Variants in PCCA observed in about 807,000 individuals in gnomAD.
The protein encoded by PCCA is propionyl-CoA carboxylase subunit alpha, also known as propionyl-CoA carboxylase alpha chain, mitochondrial.
PCCA carries 74 observed loss-of-function variants against 101.3 expected under a neutral mutation model. The observed-to-expected ratio is 0.73, with a 90% CI of 0.61 to 0.89. The LOEUF (loss-of-function observed/expected upper bound fraction) is 0.89. Among genes scored for constraint, PCCA ranks in the 40% least tolerant of loss-of-function variants. The pLI, the probability that PCCA is intolerant of heterozygous loss-of-function variation, is 0.00. For missense variants in PCCA, 891 were observed against 907.0 expected, an observed-to-expected ratio of 0.98 and a Z score of 0.23; for synonymous variants, 294 against 313.6, an observed-to-expected ratio of 0.94 and a Z score of 0.66.
intron 4 of PCCA, among the ~76,000 whole-genome samples, chr13:100,131,476 G>C (rs1376339346): frequency 6.6e-6 from 1 of 152,154 alleles, no homozygotes; most frequent in African/African-American, 2.4e-5. Flanking sequence ...ATCTCATCTG[G>C]AGAGCTTGCA....
At chr13:100,173,833 G>A (rs1050319599) in intron 6 of PCCA, among the ~76,000 whole-genome samples, 1 of 152,160 alleles carries the variant, frequency 6.6e-6, no homozygotes, top group Non-Finnish European at 1.5e-5. Flanking sequence ...TTGTGATAGT[G>A]AATCAGTTTC....
Position 100,449,234 on chromosome 13 carries a change from C to G in PCCA, c.1846-18C>G. 6.6e-7 allele frequency: 1 copy of G among 1,511,310 alleles called. No homozygotes were observed. The highest frequency in any genetic ancestry group is 9.0e-7 in the Non-Finnish European group (1 of 1,111,198). The allele number at this position is 1,511,310 out of a possible 1,614,324, so 93.6% of individuals were successfully genotyped here. A position where few individuals can be genotyped will look rare whatever the true frequency, so the allele number is the denominator to read the frequency against. ...GTGCAGATATGAGTTCATTTTATAT[C>G]TCTTGTTTGTTTTTTAGTGTCTTTC... is the stretch of plus-strand genomic sequence containing the variant. On this transcript the variant is annotated intron_variant, in intron 20 of 23. Transcript: ENST00000376285.
chr13:100,115,420 T>C (rs1417725200), intron 4 of PCCA, among the ~76,000 whole-genome samples: 1 of 152,134 alleles, frequency 6.6e-6, no homozygotes, highest in Non-Finnish European at 1.5e-5. Flanking sequence ...ATTTAGGGAA[T>C]AGAATTGGGA....
chr13:100,322,114 G>T (rs997034658), intron 16 of PCCA, among the ~76,000 whole-genome samples: 1 of 152,152 alleles, frequency 6.6e-6, no homozygotes, highest in Non-Finnish European at 1.5e-5. Flanking sequence ...GGTCCATGCT[G>T]CTAGGAGGCA....
At chr13:100,376,269 T>C (rs530437803) in intron 19 of PCCA, among the ~76,000 whole-genome samples, 2 of 152,292 alleles carry the variant, frequency 1.3e-5, no homozygotes, top group South Asian at 4.1e-4. Context: ...AGCTCTCCTG[T>C]GTGATGTGTC....
intron 14 of PCCA, among the ~76,000 whole-genome samples, chr13:100,303,331 A>G (rs1476927216): frequency 6.6e-6 from 1 of 152,168 alleles, no homozygotes; most frequent in Non-Finnish European, 1.5e-5. Flanking sequence ...CTTTTCAATA[A>G]ATCGAGTCCA....
At chr13:100,258,203 T>C (rs1341398312) in intron 9 of PCCA, among the ~76,000 whole-genome samples, 2 of 152,206 alleles carry the variant, frequency 1.3e-5, no homozygotes, top group Admixed American at 6.5e-5. Flanking sequence ...TGCGCTCTTA[T>C]TATAATTTAG....
At chr13:100,256,017 CT>C (rs2062047363) in intron 8 of PCCA, among the ~76,000 whole-genome samples, 1 of 152,046 alleles carries the variant, frequency 6.6e-6, no homozygotes, top group Admixed American at 6.6e-5. Context: ...TTAAATAGCC[CT>C]TTCTTTTTTT....
intron 22 of PCCA, among the ~76,000 whole-genome samples, chr13:100,521,848 T>A (rs1008426343): frequency 6.6e-6 from 1 of 152,208 alleles, no homozygotes; most frequent in Non-Finnish European, 1.5e-5. Flanking sequence ...TTTCCGGTGG[T>A]CCGGCGTTGC....
intron 20 of PCCA, 68 bp downstream of exon 20, chr13:100,425,799 C>A: frequency 1.0e-6 from 1 of 987,460 alleles, no homozygotes; most frequent in Non-Finnish European, 1.6e-6. Context: ...ACCTGTGTGG[C>A]TAATACTTAG....
At chr13:100,492,930 G>C (rs2085009364) in intron 21 of PCCA, among the ~76,000 whole-genome samples, 1 of 151,704 alleles carries the variant, frequency 6.6e-6, no homozygotes, top group African/African-American at 2.4e-5. Flanking sequence ...CCATCACTCA[G>C]TAAAATCCTC....
At chr13:100,201,839 A>C (rs1189264732) in intron 6 of PCCA, among the ~76,000 whole-genome samples, 4 of 117,364 alleles carry the variant, frequency 3.4e-5, no homozygotes, top group Non-Finnish European at 6.4e-5. Context: ...CCTGGGCAAC[A>C]AGACTGAAAC....
intron 21 of PCCA, among the ~76,000 whole-genome samples, chr13:100,497,074 T>C (rs1254912883): frequency 6.6e-6 from 1 of 152,228 alleles, no homozygotes; most frequent in Non-Finnish European, 1.5e-5. Context: ...GGGTCTCTTT[T>C]GTCTCTTAAT....
At chr13:100,151,198 A>C in intron 4 of PCCA, 1 of 650,920 alleles carries the variant, frequency 1.5e-6, no homozygotes, top group Non-Finnish European at 2.6e-6. Context: ...GTAAGATGAA[A>C]AACACATCTG....
chr13:100,331,509 G>T (rs1430401625), intron 17 of PCCA, among the ~76,000 whole-genome samples: 1 of 152,116 alleles, frequency 6.6e-6, no homozygotes, highest in Non-Finnish European at 1.5e-5. Context: ...GAGTTGTTGG[G>T]TGCATTTATA....
chr13:100,113,889 C>T (rs868635026), intron 4 of PCCA, among the ~76,000 whole-genome samples: 26 of 152,300 alleles, frequency 1.7e-4, no homozygotes, highest in South Asian at 4.1e-4. Flanking sequence ...TACTCTTTGA[C>T]TCTTTCATAA....
At chr13:100,262,010 TG>T (rs529317170) in intron 9 of PCCA, among the ~76,000 whole-genome samples, 9 of 152,194 alleles carry the variant, frequency 5.9e-5, no homozygotes, top group South Asian at 4.1e-4. Flanking sequence ...ATCAAACAGA[TG>T]TTTTTTTATA....
At chr13:100,443,198 G>A (rs1445609573) in intron 20 of PCCA, among the ~76,000 whole-genome samples, 1 of 152,136 alleles carries the variant, frequency 6.6e-6, no homozygotes, top group Admixed American at 6.6e-5. Context: ...CACAACTTGA[G>A]TGGTTATTAC....
intron 2 of PCCA, among the ~76,000 whole-genome samples, chr13:100,109,906 C>T (rs772001360): frequency 2.0e-5 from 3 of 152,072 alleles, no homozygotes; most frequent in African/African-American, 7.2e-5. Flanking sequence ...CCGAGGCAGG[C>T]GGATCACCTG....
Sources: allele counts gnomAD v4.1 joint callset (sites outside exome capture counted in the v4.1 genomes callset), GRCh38; gene constraint gnomAD v4.1.1; transcripts MANE v1.5; gene names NCBI Gene and HGNC (gene_info 2026-07-23, HGNC 2026-07-21).